METTL15: variants seen among roughly 807,000 people sequenced by gnomAD.
METTL15 encodes the protein methyltransferase 15, mitochondrial 12S rRNA N4-cytidine, also known as 12S rRNA N(4)-cytidine methyltransferase METTL15.
A neutral mutation model predicts 38.3 loss-of-function variants in METTL15; 34 were observed. The ratio of observed to expected loss-of-function variants is 0.89; its 90% confidence interval spans 0.68 to 1.18. METTL15 has a LOEUF of 1.18. METTL15 is among the 50% of genes most tolerant of loss of function. The pLI is 0.00. For synonymous variants in METTL15, 162 were observed against 170.9 expected (o/e 0.95, Z 0.41); for missense variants, 438 against 498.4 (o/e 0.88, Z 1.15).
At chr11:28,417,031 C>A (rs887353167) in intron 5 of METTL15, among the ~76,000 whole-genome samples, 1 of 152,308 alleles carries the variant, frequency 6.6e-6, no homozygotes, top group African/African-American at 2.4e-5. Context: ...TGTAATAAAA[C>A]CACCACTGTG....
At chr11:28,240,111 C>T (rs7952717) in intron 4 of METTL15, among the ~76,000 whole-genome samples, 57,566 of 151,950 alleles carry the variant, frequency 0.38, 12,512 homozygotes, top group African/African-American at 0.6. Flanking sequence ...ATCTATTGCA[C>T]TATAAATGAT....
intron 4 of METTL15, among the ~76,000 whole-genome samples, chr11:28,219,447 T>C (rs376180806): frequency 1.3e-5 from 2 of 152,198 alleles, no homozygotes; most frequent in East Asian, 3.9e-4. Context: ...GATTCTTCTC[T>C]CTTTTCTTCT....
At chr11:28,418,844 C>G (rs1371642892) in intron 5 of METTL15, among the ~76,000 whole-genome samples, 1 of 152,112 alleles carries the variant, frequency 6.6e-6, no homozygotes. Flanking sequence ...AGAACTCAAC[C>G]AAGACTTATG....
intron 3 of METTL15, among the ~76,000 whole-genome samples, chr11:28,140,196 TTTCTGA>T (rs745489016): frequency 5.3e-5 from 8 of 152,226 alleles, no homozygotes; most frequent in Non-Finnish European, 7.3e-5. Flanking sequence ...CTGAATGGCA[TTTCTGA>T]TGGCTGGGCT....
At chr11:28,411,532 A>G (rs1326727516) in intron 5 of METTL15, among the ~76,000 whole-genome samples, 1 of 152,036 alleles carries the variant, frequency 6.6e-6, no homozygotes, top group Non-Finnish European at 1.5e-5. Flanking sequence ...CTGTATTTCT[A>G]CATGCAAAAG....
intron 4 of METTL15, among the ~76,000 whole-genome samples, chr11:28,279,485 T>G (rs1029582054): frequency 2.0e-5 from 3 of 152,224 alleles, no homozygotes; most frequent in Admixed American, 2.0e-4. Flanking sequence ...TTCCTTTTTC[T>G]CTCCTTTATT....
intron 6 of METTL15, among the ~76,000 whole-genome samples, chr11:28,522,940 G>A (rs1851775443): frequency 6.6e-6 from 1 of 152,094 alleles, no homozygotes; most frequent in Non-Finnish European, 1.5e-5. Flanking sequence ...CATTTCTATT[G>A]AAAAAGTACT....
intron 3 of METTL15, among the ~76,000 whole-genome samples, chr11:28,139,518 T>C (rs938770512): frequency 1.3e-5 from 2 of 152,122 alleles, no homozygotes; most frequent in Admixed American, 6.5e-5. Context: ...GTGGGAATTA[T>C]CCGCATTTAC....
intron 6 of METTL15, among the ~76,000 whole-genome samples, chr11:28,483,683 G>C (rs1423057422): frequency 6.6e-6 from 1 of 152,164 alleles, no homozygotes; most frequent in African/African-American, 2.4e-5. Flanking sequence ...TCAATAAATG[G>C]TATGACTGTG....
chr11:28,484,097 C>T (rs569494660), intron 6 of METTL15, among the ~76,000 whole-genome samples: 44 of 152,080 alleles, frequency 2.9e-4, no homozygotes, highest in South Asian at 6.2e-4. Flanking sequence ...CGTATAATAA[C>T]GGTGATGGTG....
chr11:28,221,817 A>C (rs1486319622), intron 4 of METTL15, among the ~76,000 whole-genome samples: 1 of 152,106 alleles, frequency 6.6e-6, no homozygotes, highest in African/African-American at 2.4e-5. Context: ...CTGGAGGTCC[A>C]CTCCAGACCC....
Position 28,377,843 on chromosome 11 carries a change from G to A in METTL15, c.*358+15807G>A, listed in dbSNP as rs1194674425. On this transcript the variant is annotated intron_variant and NMD_transcript_variant, in intron 5 of 7. Coordinates refer to the METTL15 transcript ENST00000532947. ...GTACAGATGGGTTTTTGGTGTGGAT[G>A]TCCTTTCTGTTTGTTAGTTTTCCTT... Among the ~76,000 whole-genome samples the A allele has an allele frequency of 3.3e-5, 5 of 151,548 alleles. No homozygotes were observed. The South Asian group carries it at 6.3e-4, about 19-fold the overall frequency.
At chr11:28,453,893 A>C (rs1213840473) in intron 6 of METTL15, among the ~76,000 whole-genome samples, 2 of 152,208 alleles carry the variant, frequency 1.3e-5, no homozygotes, top group African/African-American at 4.8e-5. Flanking sequence ...TCCCCATTGC[A>C]ACTTTAATTG....
chr11:28,259,779 T>C (rs1026815687), intron 4 of METTL15, among the ~76,000 whole-genome samples: 2 of 152,332 alleles, frequency 1.3e-5, no homozygotes, highest in East Asian at 1.9e-4. Context: ...TTCAGTGATA[T>C]GAAGTTAAAA....
rs1392489522 is a variant in METTL15 at position 28,345,986 on chromosome 11, C to CA, written c.*190-6098dup. ...GAAATTCTTCACCGCCTTCATCACA[C>CA]AAAAAATATAAAAATAGGAGTAGTC... On this transcript the variant is annotated intron_variant and NMD_transcript_variant, in intron 3 of 7. Coordinates refer to the METTL15 transcript ENST00000532947. Among the ~76,000 whole-genome samples, 12 of 152,248 alleles carry CA rather than the reference C, an allele frequency of 7.9e-5. No homozygotes were observed. The East Asian group carries it at 2.3e-3, about 29-fold the overall frequency.
At chr11:28,487,866 A>AT (rs1255711070) in intron 6 of METTL15, among the ~76,000 whole-genome samples, 2 of 152,146 alleles carry the variant, frequency 1.3e-5, no homozygotes, top group Non-Finnish European at 2.9e-5. Context: ...GTTTGGAAGT[A>AT]AGAAGGAGCA....
chr11:28,210,233 T>C (rs1005526540), intron 3 of METTL15, among the ~76,000 whole-genome samples: 1 of 152,018 alleles, frequency 6.6e-6, no homozygotes, highest in African/African-American at 2.4e-5. Context: ...TGTACTTAAG[T>C]ACATCCTATC....
chr11:28,360,803 C>A (rs1231857602), intron 4 of METTL15, among the ~76,000 whole-genome samples: 4 of 128,406 alleles, frequency 3.1e-5, no homozygotes, highest in Admixed American at 1.6e-4. Flanking sequence ...TGCTATTCCT[C>A]CCCCCTCCCC....
intron 6 of METTL15, among the ~76,000 whole-genome samples, chr11:28,314,818 A>G (rs1857424382): frequency 1.3e-5 from 2 of 152,166 alleles, no homozygotes; most frequent in African/African-American, 4.8e-5. Context: ...TGTTCTCCTG[A>G]TAGTGAATGG....
Sources: gnomAD v4.1 joint callset for allele counts (sites outside exome capture counted in the v4.1 genomes callset) on GRCh38, gnomAD v4.1.1 for gene constraint, MANE v1.5 for transcripts, NCBI Gene and HGNC (gene_info 2026-07-23, HGNC 2026-07-21) for gene names.